The following NWD1 variants were observed in gnomAD, a reference collection of about 807,000 sequenced individuals.
The protein encoded by NWD1 is NACHT and WD repeat domain containing 1, also known as NACHT domain- and WD repeat-containing protein 1.
NWD1 carries 129 observed loss-of-function variants against 135.1 expected under a neutral mutation model. The observed-to-expected ratio is 0.96, with a 90% CI of 0.83 to 1.11. The LOEUF is 1.11. NWD1 is among the 50% of genes least tolerant of loss of function. NWD1 has a pLI of 0.00. For synonymous variants in NWD1, 773 were observed against 786.0 expected (o/e 0.98, Z 0.28); for missense variants, 1,740 against 1,851.3 (o/e 0.94, Z 1.10).
chr19:16,744,635 C>T lies in NWD1; in HGVS notation c.413C>T (p.Thr138Ile), dbSNP rs935365792. The stretch of plus-strand genomic sequence containing the variant: ...TGTGAACCAGAGGAGGCCACCTTAA[C>T]TTCTGTCCTACGCTCTGGAGCCCAG... ...EACEPEEATL[T>I]SVLRSGAQEA... Residue 138 changes from threonine (T) to isoleucine (I), a missense_variant, in exon 5 of 19, where the codon ACT (threonine) becomes ATT (isoleucine). Thr to Ile is a moderately conservative substitution (Grantham distance 89, BLOSUM62 -1). Coordinates refer to ENST00000524140, the MANE Select transcript of NWD1 (RefSeq NM_001007525.5). The T allele has an allele frequency of 6.5e-7, 1 of 1,535,530 alleles. No homozygotes were observed. Among genetic ancestry groups the T allele is most frequent in the Non-Finnish European group, 8.7e-7 (1 of 1,146,680 alleles).
rs752331132 is a variant in NWD1, at chr19:16,750,012, A to G, written c.1370A>G (p.Asn457Ser). 6 of 1,613,786 alleles carry G rather than the reference A, an allele frequency of 3.7e-6. No homozygotes were observed. The Admixed American group carries it at 8.3e-5, about 22-fold the overall frequency. ...HARRVPWLPLNCPPRVHLILS... is the reference protein window; with the variant it reads ...HARRVPWLPLSCPPRVHLILS... The stretch of plus-strand genomic sequence containing the variant: ...CGGAGGGTTCCCTGGCTGCCTCTCA[A>G]CTGCCCCCCGAGGGTGCACCTCATC... Residue 457 changes from asparagine to serine, a missense_variant, in exon 6 of 19, where the codon AAC becomes AGC. Transcript: ENST00000524140.
intron 1 of NWD1, among the ~76,000 whole-genome samples, chr19:16,723,676 CTGTTT>C (rs60100795): frequency 0.34 from 51,082 of 149,600 alleles, 8,927 homozygotes; most frequent in Middle Eastern, 0.46. Context: ...ACAGCTTTTT[CTGTTT>C]TGTTTTGTTT....
At chr19:16,761,350 C>CTT (rs60597477) in intron 7 of NWD1, among the ~76,000 whole-genome samples, 4 of 144,196 alleles carry the variant, frequency 2.8e-5, no homozygotes, top group African/African-American at 1.2e-4. Context: ...CCCTTTCTTT[C>CTT]TCTTTCTTTC....
chr19:16,815,299 C>A lies in NWD1; in HGVS notation c.*260C>A, dbSNP rs1444692214. 3.8e-6 allele frequency: 3 copies of A among 780,730 alleles called. No homozygotes were observed. The highest frequency in any genetic ancestry group is 3.4e-5 in the Admixed American group (2 of 58,930). 48.4% of individuals were successfully genotyped at this position (780,730 alleles called of 1,614,324 possible). A position where few individuals can be genotyped will look rare whatever the true frequency, so the allele number is the denominator to read the frequency against. ...CCCAGGGAAATGAAACCAAATCAAA[C>A]AAATGCTCACAAGTGTGCCTGATAG... On this transcript the variant is annotated 3_prime_UTR_variant, in exon 19 of 19. Transcript: ENST00000524140.
chr19:16,806,958 A>G (rs1020528078), intron 17 of NWD1, among the ~76,000 whole-genome samples: 5 of 151,954 alleles, frequency 3.3e-5, no homozygotes, highest in African/African-American at 1.2e-4. Context: ...CAGAGGTTAC[A>G]GTGAGCCGAG....
At position 16,765,034 on chromosome 19, in the gene NWD1, G is replaced by T; in HGVS notation, c.2252G>T (p.Gly751Val). Residue 751 changes from glycine (G) to valine (V), a missense_variant and splice_region_variant, in exon 10 of 19, where the codon GGC becomes GTC. Physicochemically the swap from Gly to Val is moderately radical, Grantham distance 109. Coordinates refer to ENST00000524140, the MANE Select transcript of NWD1 (RefSeq NM_001007525.5). ...CATCCTCCCCCCTTCTCTCCCTCAG[G>T]CAGCATGAGCTGGATTTCCTGCCGG... ...RLEELKQEVL[G>V]SMSWISCRGI... is the part of the protein sequence containing the mutation. The T allele has an allele frequency of 6.2e-7, 1 of 1,614,046 alleles. No individual in the cohort carries two copies. The highest frequency in any genetic ancestry group is 8.5e-7 in the Non-Finnish European group (1 of 1,179,974).
chr19:16,724,596 T>G (rs535273695), intron 2 of NWD1, 133 bp downstream of exon 2: 28 of 152,246 alleles, frequency 1.8e-4, no homozygotes, highest in Non-Finnish European at 4.0e-4. Flanking sequence ...ACCTGTAATA[T>G]CAGCACTTTG....
chr19:16,740,805 C>A (rs1037069172), intron 4 of NWD1, among the ~76,000 whole-genome samples: 4 of 152,138 alleles, frequency 2.6e-5, no homozygotes, highest in Non-Finnish European at 5.9e-5. Context: ...TTTGCACCTA[C>A]TCCAAGTGTG....
intron 10 of NWD1, among the ~76,000 whole-genome samples, chr19:16,768,792 A>G (rs1379995191): frequency 6.6e-6 from 1 of 152,220 alleles, no homozygotes; most frequent in Admixed American, 6.5e-5. Context: ...CTCTGTATCC[A>G]AAGTGCTTCC....
chr19:16,746,873 C>G (rs993250261), intron 5 of NWD1, among the ~76,000 whole-genome samples: 4 of 152,008 alleles, frequency 2.6e-5, no homozygotes, highest in Non-Finnish European at 4.4e-5. Flanking sequence ...TCATCCTCAT[C>G]ATCTTCACCT....
chr19:16,747,243 C>G (rs182104388), intron 5 of NWD1, among the ~76,000 whole-genome samples: 131 of 151,862 alleles, frequency 8.6e-4, no homozygotes, highest in African/African-American at 3.1e-3. Context: ...CCCCATGTTG[C>G]TCAGGCTGGT....
intron 4 of NWD1, among the ~76,000 whole-genome samples, chr19:16,739,406 A>T (rs1348663423): frequency 6.6e-6 from 1 of 151,452 alleles, no homozygotes; most frequent in Admixed American, 6.6e-5. Flanking sequence ...GAACTCCAGG[A>T]GGAATCTGAT....
chr19:16,729,665 T>C (rs565611763), intron 2 of NWD1, among the ~76,000 whole-genome samples: 2 of 150,926 alleles, frequency 1.3e-5, no homozygotes, highest in East Asian at 3.9e-4. Context: ...GGTGAGGAGT[T>C]TGAGACCAGC....
intron 10 of NWD1, among the ~76,000 whole-genome samples, chr19:16,769,081 C>T (rs1310184018): frequency 3.9e-5 from 6 of 152,144 alleles, no homozygotes; most frequent in Non-Finnish European, 8.8e-5. Flanking sequence ...CCTGTTATCT[C>T]GGCACTTTGG....
At chr19:16,765,343 ATTTT>A in intron 10 of NWD1, 151 bp downstream of exon 10, 1 of 808,210 alleles carries the variant, frequency 1.2e-6, no homozygotes, top group Non-Finnish European at 1.9e-6. Flanking sequence ...TGCTTCTAGA[ATTTT>A]TTTTGACATG....
chr19:16,740,949 A>G (rs957687020), intron 4 of NWD1, among the ~76,000 whole-genome samples: 1 of 152,114 alleles, frequency 6.6e-6, no homozygotes, highest in Admixed American at 6.6e-5. Flanking sequence ...ACTTGAGGTC[A>G]GGAATTCAAG....
Position 16,813,617 on chromosome 19 carries a change from C to T in NWD1, c.4288-1411C>T, listed in dbSNP as rs188263487. Among the ~76,000 whole-genome samples the T allele has an allele frequency of 1.1e-3, 173 of 152,084 alleles. 3 individuals carry two copies. Among genetic ancestry groups the T allele is most frequent in the Admixed American group, 5.1e-3 (78 of 15,268 alleles). On this transcript the variant is annotated intron_variant, in intron 18 of 18. Transcript: ENST00000524140. ...TCAGCCTCCTGAGTAGCTGGGATTA[C>T]GGGCGCCCACCACCACACTCAGCTA... is the stretch of plus-strand genomic sequence containing the variant.
chr19:16,728,825 C>T (rs1294452188), intron 2 of NWD1, among the ~76,000 whole-genome samples: 1 of 151,256 alleles, frequency 6.6e-6, no homozygotes, highest in Non-Finnish European at 1.5e-5. Context: ...GCGCCTGTAG[C>T]CCCAGCTGCT....
chr19:16,725,964 T>G (rs73518999), intron 2 of NWD1, among the ~76,000 whole-genome samples: 2,338 of 132,020 alleles, frequency 0.018, 42 homozygotes, highest in African/African-American at 0.056. Context: ...TTGTTTGTTT[T>G]TTTTTGCTTT....
Sources: allele counts gnomAD v4.1 joint callset (sites outside exome capture counted in the v4.1 genomes callset), GRCh38; gene constraint gnomAD v4.1.1; transcripts MANE v1.5; gene names NCBI Gene and HGNC (gene_info 2026-07-23, HGNC 2026-07-21).